PLD5: variants seen among roughly 807,000 people sequenced by gnomAD.
PLD5 encodes inactive phospholipase D5.
A neutral mutation model predicts 61.1 loss-of-function variants in PLD5; 36 were observed. The ratio of observed to expected loss-of-function variants is 0.59; its 90% confidence interval spans 0.45 to 0.78. PLD5 has a LOEUF of 0.78. Ranked by LOEUF, PLD5 falls within the 30% of genes least tolerant of loss-of-function variation. The pLI, the probability that PLD5 is intolerant of heterozygous loss-of-function variation, is 0.00. For synonymous variants in PLD5, 243 were observed against 242.8 expected (o/e 1.00, Z -0.01); for missense variants, 515 against 644.4 (o/e 0.80, Z 2.17).
At chr1:242,182,269 G>A (rs1667566419) in intron 5 of PLD5, among the ~76,000 whole-genome samples, 1 of 152,150 alleles carries the variant, frequency 6.6e-6, no homozygotes, top group South Asian at 2.1e-4. Context: ...AACTCAACAA[G>A]TAAAACTTTC....
At chr1:242,298,694 G>A (rs1675856569) in intron 2 of PLD5, among the ~76,000 whole-genome samples, 1 of 152,120 alleles carries the variant, frequency 6.6e-6, no homozygotes, top group Non-Finnish European at 1.5e-5. Context: ...AAGGGGGGAA[G>A]GTGCAAGTGG....
intron 2 of PLD5, among the ~76,000 whole-genome samples, chr1:242,346,366 G>T (rs1343372568): frequency 1.3e-5 from 2 of 152,054 alleles, no homozygotes; most frequent in African/African-American, 4.8e-5. Flanking sequence ...AAACTGCTAC[G>T]GTTTGACCTC....
intron 5 of PLD5, among the ~76,000 whole-genome samples, chr1:242,151,797 T>G (rs1053576917): frequency 6.6e-6 from 1 of 152,102 alleles, no homozygotes; most frequent in Non-Finnish European, 1.5e-5. Flanking sequence ...TACATTGTCT[T>G]TCAGCTTTGA....
chr1:242,476,509 G>C (rs1476387580), intron 1 of PLD5, among the ~76,000 whole-genome samples: 1 of 152,146 alleles, frequency 6.6e-6, no homozygotes, highest in Non-Finnish European at 1.5e-5. Context: ...ACTGGTATCA[G>C]GATTAATTGA....
intron 4 of PLD5, among the ~76,000 whole-genome samples, chr1:242,237,305 A>C (rs1671697194): frequency 7.4e-6 from 1 of 134,386 alleles, no homozygotes; most frequent in South Asian, 2.9e-4. Context: ...ATGACCTTAT[A>C]AAATGAGTTA....
chr1:242,456,317 A>G (rs1454867614), intron 1 of PLD5, among the ~76,000 whole-genome samples: 1 of 152,164 alleles, frequency 6.6e-6, no homozygotes, highest in African/African-American at 2.4e-5. Context: ...TAATTAATTC[A>G]GATTAAATAA....
Position 242,242,187 on chromosome 1 carries a change from C to T in PLD5, c.608-22072G>A, listed in dbSNP as rs760325330. ...AATAAACATTTGTTAAAAGAGTGAA[C>T]GAGTTAGTTGATGAATGAGTAACTT... On this transcript the variant is annotated intron_variant, in intron 4 of 9. Transcript: ENST00000536534. Among the ~76,000 whole-genome samples, 8 of 151,864 alleles carry T rather than the reference C, an allele frequency of 5.3e-5. No individual in the cohort carries two copies. The South Asian group carries it at 1.7e-3, about 32-fold the overall frequency.
chr1:242,128,150 A>T lies in PLD5; in HGVS notation c.736-3485T>A, dbSNP rs188514860. Among the ~76,000 whole-genome samples, 456 of 152,234 alleles carry T rather than the reference A, an allele frequency of 3.0e-3. 3 individuals carry two copies. Among genetic ancestry groups the T allele is most frequent in the Non-Finnish European group, 4.6e-3 (314 of 68,008 alleles). On this transcript the variant is annotated intron_variant, in intron 5 of 9. Transcript: ENST00000536534. ...TGAGACCATGTCTTTACAAAAAAAT[A>T]AAAAATGAGCTTGGTGTGGAGGCAC...
At chr1:242,398,189 A>C (rs934556846) in intron 1 of PLD5, among the ~76,000 whole-genome samples, 1 of 152,224 alleles carries the variant, frequency 6.6e-6, no homozygotes, top group Non-Finnish European at 1.5e-5. Flanking sequence ...TTATATCCTA[A>C]GTGTATTGAG....
rs375444027 is a variant in PLD5, at chr1:242,138,680, G to A, written c.736-14015C>T. On this transcript the variant is annotated intron_variant, in intron 5 of 9. Coordinates refer to ENST00000536534, the MANE Select transcript of PLD5 (RefSeq NM_001372062.1). ...TTATAAAATGAAACTTCTCTCAACT[G>A]GTGGTCTGGAGAAAGGCCAATCTGC... Among the ~76,000 whole-genome samples the A allele has an allele frequency of 1.0e-3, 159 of 152,302 alleles. 3 individuals carry two copies. The South Asian group carries it at 0.032, about 31-fold the overall frequency.
intron 1 of PLD5, among the ~76,000 whole-genome samples, chr1:242,373,128 C>T (rs140556333): frequency 0.014 from 2,083 of 152,198 alleles, 52 homozygotes; most frequent in African/African-American, 0.048. Flanking sequence ...AAAAAGTGGG[C>T]GAAGGACAGT....
At chr1:242,395,544 A>C (rs1298043306) in intron 1 of PLD5, among the ~76,000 whole-genome samples, 1 of 152,204 alleles carries the variant, frequency 6.6e-6, no homozygotes, top group East Asian at 1.9e-4. Flanking sequence ...ACTTGACCAC[A>C]AGCAAATCAT....
intron 5 of PLD5, among the ~76,000 whole-genome samples, chr1:242,208,332 C>G (rs1669576019): frequency 6.6e-6 from 1 of 151,980 alleles, no homozygotes; most frequent in Non-Finnish European, 1.5e-5. Context: ...CTCCCAAGTC[C>G]CAGAATACTT....
At position 242,236,276 on chromosome 1, in the gene PLD5, T is replaced by C. The variant is rs553640055; in HGVS notation, c.608-16161A>G. Among the ~76,000 whole-genome samples, 4 of 152,308 alleles carry C rather than the reference T, an allele frequency of 2.6e-5. No homozygotes were observed. The East Asian group carries it at 5.8e-4, about 22-fold the overall frequency. On this transcript the variant is annotated intron_variant, in intron 4 of 9. Transcript: ENST00000536534. The stretch of plus-strand genomic sequence containing the variant: ...CTTATAAGCTATCCAGTCTATGGTA[T>C]TTTGCTATAGCAGCCTGAACAGACT...
At chr1:242,295,030 G>A (rs1405615391) in intron 2 of PLD5, among the ~76,000 whole-genome samples, 1 of 152,082 alleles carries the variant, frequency 6.6e-6, no homozygotes, top group East Asian at 1.9e-4. Context: ...TTGATTTTCT[G>A]GTCACATTAA....
Position 242,086,795 on chromosome 1 carries a change from C to T in PLD5, c.*3059G>A, listed in dbSNP as rs886874531. On this transcript the variant is annotated 3_prime_UTR_variant, in exon 10 of 10. Transcript: ENST00000536534. ...AAGTTAGTGTTAGTGGTACTGAAAT[C>T]CAAGATATAGTCTCTAATTGTGTTT... 2 of 152,146 alleles carry T rather than the reference C, an allele frequency of 1.3e-5. No individual in the cohort carries two copies. Among genetic ancestry groups the T allele is most frequent in the Non-Finnish European group, 2.9e-5 (2 of 68,036 alleles). 9.4% of individuals were successfully genotyped at this position (152,146 alleles called of 1,614,324 possible).
chr1:242,343,767 A>G (rs548592750), intron 2 of PLD5, among the ~76,000 whole-genome samples: 2 of 124,018 alleles, frequency 1.6e-5, no homozygotes, highest in South Asian at 5.5e-4. Context: ...AGATCGAGGC[A>G]AAAAAAAAAA....
intron 1 of PLD5, among the ~76,000 whole-genome samples, chr1:242,373,054 G>A (rs970672826): frequency 6.6e-6 from 1 of 151,998 alleles, no homozygotes; most frequent in African/African-American, 2.4e-5. Flanking sequence ...TCGGACAAAG[G>A]GCTAATATCC....
At position 242,228,713 on chromosome 1, in the gene PLD5, AGAGAGGAAGAG is replaced by A. The variant is rs368376941; in HGVS notation, c.608-8609_608-8599del. ...GGGAGGGAGGGAAGGAAGGAGAGAG[AGAGAGGAAGAG>A]GAGAGGAAGAGGAAGAGGAGCACCA... is the stretch of plus-strand genomic sequence containing the variant. On this transcript the variant is annotated intron_variant, in intron 4 of 9. Transcript: ENST00000536534. 8.0e-3 allele frequency among the ~76,000 whole-genome samples: 1,216 copies of A among 151,932 alleles called. 6 individuals are homozygous for A. The highest frequency in any genetic ancestry group is 0.014 in the Admixed American group (216 of 15,254).
Sources: gnomAD v4.1 joint callset for allele counts (sites outside exome capture counted in the v4.1 genomes callset) on GRCh38, gnomAD v4.1.1 for gene constraint, MANE v1.5 for transcripts, NCBI Gene and HGNC (gene_info 2026-07-23, HGNC 2026-07-21) for gene names.